Variants in MYH9 observed in about 807,000 individuals in gnomAD.
MYH9 encodes the protein myosin heavy chain 9, also known as myosin-9.
MYH9 carries 29 observed loss-of-function variants against 241.9 expected under a neutral mutation model. That is an observed-to-expected ratio of 0.12 (90% CI 0.09 to 0.16). The LOEUF (loss-of-function observed/expected upper bound fraction) is 0.16, where lower values mean the gene tolerates loss of function less well. Ranked by LOEUF, MYH9 falls within the 10% of genes least tolerant of loss-of-function variation. The probability of loss-of-function intolerance (pLI) is 1.00; values close to 1 mark genes in which losing one functional copy is unlikely to be tolerated. For synonymous variants in MYH9, 1,047 were observed against 1,062.6 expected (o/e 0.99, Z 0.29); for missense variants, 1,803 against 2,595.5 (o/e 0.69, Z 6.63).
rs1300068795 is a variant in MYH9, at chr22:36,384,626, A to G, written c.-20+3181T>C. On this transcript the variant is annotated intron_variant, in intron 1 of 40. Coordinates refer to ENST00000216181, the MANE Select transcript of MYH9 (RefSeq NM_002473.6). ...AAAAAAAAAAAATATATATATATAT[A>G]TATATATATATATATATATATATAT... is the stretch of plus-strand genomic sequence containing the variant. 1.7e-3 allele frequency among the ~76,000 whole-genome samples: 147 copies of G among 84,122 alleles called. 6 individuals are homozygous for G. The highest frequency in any genetic ancestry group is 6.2e-3 in the African/African-American group (141 of 22,732). 55.2% of individuals were successfully genotyped at this position (84,122 alleles called of 152,430 possible). A position where few individuals can be genotyped will look rare whatever the true frequency, so the allele number is the denominator to read the frequency against.
intron 1 of MYH9, among the ~76,000 whole-genome samples, chr22:36,355,846 C>T (rs182313678): frequency 4.6e-5 from 7 of 152,246 alleles, no homozygotes; most frequent in African/African-American, 1.7e-4. Context: ...CAGAGAACCC[C>T]CCCTTTATTA....
chr22:36,302,701 C>T (rs1354886827), intron 19 of MYH9, 25 bp from the exon 20 acceptor site: 10 of 1,603,006 alleles, frequency 6.2e-6, no homozygotes, highest in South Asian at 1.1e-5. Flanking sequence ...ACATGGTCAG[C>T]GCGGAGCAGT....
chr22:36,350,055 TA>T (rs1273418404), intron 1 of MYH9, among the ~76,000 whole-genome samples: 2 of 152,210 alleles, frequency 1.3e-5, no homozygotes, highest in African/African-American at 4.8e-5. Context: ...CACCAGATTT[TA>T]ATTCCATCTT....
chr22:36,352,918 C>T (rs1243379075), intron 1 of MYH9, among the ~76,000 whole-genome samples: 1 of 152,164 alleles, frequency 6.6e-6, no homozygotes, highest in Non-Finnish European at 1.5e-5. Flanking sequence ...CGTGGGTGAG[C>T]AGCGGCGCCA....
Position 36,294,200 on chromosome 22 carries a change from C to G in MYH9, c.3729G>C (p.Ser1243=), listed in dbSNP as rs761134975. The G allele has an allele frequency of 2.5e-6, 4 of 1,613,944 alleles. No homozygotes were observed. Among genetic ancestry groups the G allele is most frequent in the Middle Eastern group, 1.6e-4 (1 of 6,084 alleles). ...VKVLLQGKGD[S]EHKRKKVEAQ... is the part of the protein sequence containing the mutation. The stretch of plus-strand genomic sequence containing the variant: ...CCTCCACTTTCTTGCGCTTGTGCTC[C>G]GAGTCCCCTTTGCCCTGCAGCAGCA... The change falls in exon 28 of 41, where the codon TCG becomes TCC. Residue 1243 remains serine (S), a synonymous_variant. Coordinates refer to ENST00000216181, the MANE Select transcript of MYH9 (RefSeq NM_002473.6).
chr22:36,312,233 C>T lies in MYH9; in HGVS notation c.1555-11G>A, dbSNP rs1210583460. On this transcript the variant is annotated splice_polypyrimidine_tract_variant and intron_variant, in intron 13 of 40. Coordinates refer to ENST00000216181, the MANE Select transcript of MYH9 (RefSeq NM_002473.6). ...GCCCGGGGGGCCTGCCTGGAGGAAG[C>T]GCAGCATCAGCACAGGTGAGTGCAC... 1.1e-5 allele frequency: 18 copies of T among 1,613,774 alleles called. No individual in the cohort carries two copies. Among genetic ancestry groups the T allele is most frequent in the Middle Eastern group, 1.6e-4 (1 of 6,062 alleles).
At chr22:36,333,305 C>T (rs916584182) in intron 3 of MYH9, among the ~76,000 whole-genome samples, 5 of 152,100 alleles carry the variant, frequency 3.3e-5, no homozygotes, top group African/African-American at 4.8e-5. Flanking sequence ...GAGGAGCGGT[C>T]GGTAGAAGGA....
intron 14 of MYH9, among the ~76,000 whole-genome samples, chr22:36,310,140 C>T (rs2017037353): frequency 6.6e-6 from 1 of 151,854 alleles, no homozygotes; most frequent in Admixed American, 6.6e-5. Flanking sequence ...ATCCCAGCTA[C>T]AGGGCTGTAA....
intron 1 of MYH9, among the ~76,000 whole-genome samples, chr22:36,386,936 G>C (rs1384943372): frequency 6.6e-6 from 1 of 152,266 alleles, no homozygotes; most frequent in Non-Finnish European, 1.5e-5. Flanking sequence ...AGGCCTGCTC[G>C]TAACGGCAGA....
rs2016645224 is a variant in MYH9 at position 36,289,259 on chromosome 22, T to C, written c.4383A>G (p.Ala1461=). 1 of 1,612,726 alleles carries C rather than the reference T, an allele frequency of 6.2e-7. No homozygotes were observed. The highest frequency in any genetic ancestry group is 8.5e-7 in the Non-Finnish European group (1 of 1,179,966). ...AEEKTISAKY[A]EERDRAEAEA... is the part of the protein sequence containing the mutation. ...CCGCCTCAGCCCGGTCGCGCTCCTCTGCATACTTGGCAGAGATGGTCTTCT... is the reference window on the plus strand; with the variant it reads ...CCGCCTCAGCCCGGTCGCGCTCCTCCGCATACTTGGCAGAGATGGTCTTCT... Residue 1461 remains alanine, a synonymous_variant, in exon 32 of 41, where the codon GCA becomes GCG. Coordinates refer to ENST00000216181, the MANE Select transcript of MYH9 (RefSeq NM_002473.6).
intron 1 of MYH9, among the ~76,000 whole-genome samples, chr22:36,359,688 C>T (rs2017907661): frequency 6.6e-6 from 1 of 152,206 alleles, no homozygotes; most frequent in African/African-American, 2.4e-5. Context: ...ACCAGTCCGA[C>T]ATACCAGAAA....
chr22:36,285,186 C>T lies in MYH9; in HGVS notation c.5418G>A (p.Lys1806=). 2 of 1,614,180 alleles carry T rather than the reference C, an allele frequency of 1.2e-6. No individual in the cohort carries two copies. Among genetic ancestry groups the T allele is most frequent in the Non-Finnish European group, 1.7e-6 (2 of 1,180,036 alleles). Residue 1806 remains lysine (K), a synonymous_variant, in exon 38 of 41, where the codon AAG becomes AAA. Transcript: ENST00000216181. The surrounding 1 kb of genome is among the most constrained non-coding windows in gnomAD (Gnocchi z 7.0). ...EMEGTVKSKY[K]ASITALEAKI... ...TGGCCTCGAGGGCGGTGATGGAGGCCTTGTACTTGGACTTGACAGTGCCCT... is the reference window on the plus strand; with the variant it reads ...TGGCCTCGAGGGCGGTGATGGAGGCTTTGTACTTGGACTTGACAGTGCCCT...
At position 36,384,845 on chromosome 22, in the gene MYH9, C is replaced by T. The variant is rs1482478337; in HGVS notation, c.-20+2962G>A. On this transcript the variant is annotated intron_variant, in intron 1 of 40. Coordinates refer to ENST00000216181, the MANE Select transcript of MYH9 (RefSeq NM_002473.6). Reference sequence around the variant, plus strand: ...GAACTCGGCCTGTTTCCAAAGCTCACGTTCTTTCCACTACCCCACTCTTCC... The same window carrying T: ...GAACTCGGCCTGTTTCCAAAGCTCATGTTCTTTCCACTACCCCACTCTTCC... 4.0e-5 allele frequency among the ~76,000 whole-genome samples: 6 copies of T among 151,662 alleles called. No homozygotes were observed. The South Asian group carries it at 6.2e-4, about 16-fold the overall frequency.
intron 15 of MYH9, among the ~76,000 whole-genome samples, chr22:36,308,018 T>A (rs2016999996): frequency 6.6e-6 from 1 of 152,128 alleles, no homozygotes; most frequent in Non-Finnish European, 1.5e-5. Context: ...GAAAGGTTAA[T>A]GTGGCCTCAT....
chr22:36,376,243 G>A (rs947137127), intron 1 of MYH9, among the ~76,000 whole-genome samples: 7 of 152,088 alleles, frequency 4.6e-5, no homozygotes, highest in African/African-American at 1.7e-4. Context: ...TTACAGGCGT[G>A]AGCCACCGTG....
rs1046550983 is a variant in MYH9 at position 36,330,615 on chromosome 22, T to C, written c.491-3127A>G. On this transcript the variant is annotated intron_variant, in intron 3 of 40. Transcript: ENST00000216181. The surrounding 1 kb of genome is among the most constrained non-coding windows in gnomAD (Gnocchi z 4.5). ...GGGCTCTTTGGCCTACTCAGTTTAC[T>C]CTGCAGCCCACCTCCCCACCCTATG... 3.5e-4 allele frequency among the ~76,000 whole-genome samples: 54 copies of C among 152,186 alleles called. No homozygotes were observed. Among genetic ancestry groups the C allele is most frequent in the African/African-American group, 1.3e-3 (53 of 41,454 alleles).
At chr22:36,299,890 G>A (rs1480192957) in intron 23 of MYH9, among the ~76,000 whole-genome samples, 1 of 152,130 alleles carries the variant, frequency 6.6e-6, no homozygotes, top group African/African-American at 2.4e-5. Flanking sequence ...GCAAAGAAGA[G>A]CTTTCCAGAG....
chr22:36,294,446 C>A, intron 27 of MYH9, 148 bp from the exon 28 acceptor site: 2 of 793,594 alleles, frequency 2.5e-6, no homozygotes, highest in Non-Finnish European at 4.1e-6. Context: ...CGGCTCGGGC[C>A]TCATCTGTCC....
intron 4 of MYH9, 61 bp downstream of exon 4, chr22:36,327,400 C>T (rs772320835): frequency 2.9e-4 from 467 of 1,602,820 alleles, no homozygotes; most frequent in Non-Finnish European, 3.8e-4. Context: ...CAGTAGGAGA[C>T]CTCAAGAATG....
Sources: allele counts gnomAD v4.1 joint callset (sites outside exome capture counted in the v4.1 genomes callset), GRCh38; gene constraint gnomAD v4.1.1; non-coding constraint Gnocchi (gnomAD v3.1); transcripts MANE v1.5; gene names NCBI Gene and HGNC (gene_info 2026-07-23, HGNC 2026-07-21).